The following NCKAP1 variants were observed in gnomAD, a reference collection of about 807,000 sequenced individuals.
NCKAP1 encodes the protein NCK associated protein 1.
NCKAP1 carries 21 observed loss-of-function variants against 151.2 expected under a neutral mutation model. That is an observed-to-expected ratio of 0.14 (90% confidence interval 0.10 to 0.20). The LOEUF (loss-of-function observed/expected upper bound fraction) is 0.20, where lower values mean the gene tolerates loss of function less well. NCKAP1 is among the 10% of genes least tolerant of loss of function. The probability of loss-of-function intolerance (pLI) is 1.00; values close to 1 mark genes in which losing one functional copy is unlikely to be tolerated. For synonymous variants in NCKAP1, 484 were observed against 451.8 expected (o/e 1.07, Z -0.90); for missense variants, 933 against 1,352.1 (o/e 0.69, Z 4.86).
rs533158226 is a variant in NCKAP1, at chr2:182,927,968, T to C, written c.3180+149A>G. 5.3e-4 allele frequency: 305 copies of C among 575,248 alleles called. 2 individuals carry two copies. In the South Asian group the frequency reaches 7.5e-3, roughly 14 times the overall value. The allele number at this position is 575,248 out of a possible 1,614,324, so 35.6% of individuals were successfully genotyped here. Reference sequence around the variant, plus strand: ...AAATAAAAGGAGACTGAAATTCATATACCTGAGAAAATAATTTGAAAACAA... The same window carrying C: ...AAATAAAAGGAGACTGAAATTCATACACCTGAGAAAATAATTTGAAAACAA... On this transcript the variant is annotated intron_variant, in intron 29 of 30. Coordinates refer to ENST00000361354, the MANE Select transcript of NCKAP1 (RefSeq NM_013436.5).
rs1697056722 is a variant in NCKAP1 at position 182,944,357 on chromosome 2, A to G, written c.2602-2194T>C. Among the ~76,000 whole-genome samples the G allele has an allele frequency of 2.6e-5, 4 of 152,174 alleles. 1 individual carries two copies. The South Asian group carries it at 8.3e-4, about 32-fold the overall frequency. ...AAGTGTTAAATTCTTGGCAAAATTC[A>G]TATTTAAATTTCCTACTTCATTTGA... On this transcript the variant is annotated intron_variant, in intron 23 of 30. Transcript: ENST00000361354.
chr2:182,940,430 G>C (rs1696972463), intron 24 of NCKAP1, among the ~76,000 whole-genome samples: 2 of 151,058 alleles, frequency 1.3e-5, no homozygotes, highest in Non-Finnish European at 3.0e-5. Context: ...TTTCCTTTTG[G>C]TATACAGCTC....
At chr2:182,938,332 T>C (rs758115948) in intron 24 of NCKAP1, among the ~76,000 whole-genome samples, 1 of 151,876 alleles carries the variant, frequency 6.6e-6, no homozygotes, top group Non-Finnish European at 1.5e-5. Flanking sequence ...ACATAAAAGA[T>C]GAACCTGCAA....
In NCKAP1 at chr2:182,913,793, T is replaced by G. The variant is rs1335194486; in HGVS notation, c.*11909A>C. On this transcript the variant is annotated 3_prime_UTR_variant, in exon 31 of 31. Transcript: ENST00000361354. ...TAATTCTCATCCTCTCATGCTTCTTTGCTTCTCTGTCTGCATCTGCCTCAT... is the reference window on the plus strand; with the variant it reads ...TAATTCTCATCCTCTCATGCTTCTTGGCTTCTCTGTCTGCATCTGCCTCAT... 6.6e-6 allele frequency: 1 copy of G among 152,284 alleles called. No homozygotes were observed. Among genetic ancestry groups the G allele is most frequent in the East Asian group, 1.9e-4 (1 of 5,200 alleles). The allele number at this position is 152,284 out of a possible 1,614,324, so 9.4% of individuals were successfully genotyped here.
At position 182,909,814 on chromosome 2, in the gene NCKAP1, C is replaced by A. The variant is rs1324240135; in HGVS notation, c.*15888G>T. 1 of 152,186 alleles carries A rather than the reference C, an allele frequency of 6.6e-6. No homozygotes were observed. Among genetic ancestry groups the A allele is most frequent in the Non-Finnish European group, 1.5e-5 (1 of 68,046 alleles). 9.4% of individuals were successfully genotyped at this position (152,186 alleles called of 1,614,324 possible). ...AATAGAACAGGGAGCCCAACCTGAG[C>A]TGAGCTTCTTGGGTACTCCTAAGAA... On this transcript the variant is annotated 3_prime_UTR_variant, in exon 31 of 31. Coordinates refer to ENST00000361354, the MANE Select transcript of NCKAP1 (RefSeq NM_013436.5).
At chr2:182,926,787 T>C (rs770587172) in intron 30 of NCKAP1, 29 bp downstream of exon 30, 3 of 1,436,082 alleles carry the variant, frequency 2.1e-6, no homozygotes, top group African/African-American at 1.4e-5. Context: ...AACTTTTTTA[T>C]TGTTAGTAAA....
chr2:182,932,101 C>T (rs1004739665), intron 26 of NCKAP1, among the ~76,000 whole-genome samples: 6 of 152,094 alleles, frequency 3.9e-5, no homozygotes, highest in African/African-American at 1.4e-4. Flanking sequence ...TTTCATATGA[C>T]CCTGCAATTC....
chr2:182,966,721 A>G (rs1036396090), intron 16 of NCKAP1, among the ~76,000 whole-genome samples: 3 of 152,240 alleles, frequency 2.0e-5, no homozygotes, highest in African/African-American at 7.2e-5. Flanking sequence ...GAAGAGAGGG[A>G]AGAAAAATAA....
At chr2:183,026,027 A>T (rs1176539085) in intron 1 of NCKAP1, among the ~76,000 whole-genome samples, 1 of 152,244 alleles carries the variant, frequency 6.6e-6, no homozygotes, top group African/African-American at 2.4e-5. Context: ...AAGAATGTAA[A>T]CATATAAACA....
In NCKAP1 at chr2:182,910,919, A is replaced by G. The variant is rs956352756; in HGVS notation, c.*14783T>C. Reference sequence around the variant, plus strand: ...ATTCATGCTCTGATGGTCCAACATTATAACTTGGAAATAAAAATAAAATCC... The same window carrying G: ...ATTCATGCTCTGATGGTCCAACATTGTAACTTGGAAATAAAAATAAAATCC... On this transcript the variant is annotated 3_prime_UTR_variant, in exon 31 of 31. Coordinates refer to ENST00000361354, the MANE Select transcript of NCKAP1 (RefSeq NM_013436.5). 6.7e-6 allele frequency: 1 copy of G among 149,762 alleles called. No individual in the cohort carries two copies. Among genetic ancestry groups the G allele is most frequent in the Non-Finnish European group, 1.5e-5 (1 of 67,656 alleles). The allele number at this position is 149,762 out of a possible 1,614,324, so 9.3% of individuals were successfully genotyped here. A position where few individuals can be genotyped will look rare whatever the true frequency, so the allele number is the denominator to read the frequency against.
rs779819587 is a variant in NCKAP1, at chr2:182,914,775, C to A, written c.*10927G>T. 1 of 152,190 alleles carries A rather than the reference C, an allele frequency of 6.6e-6. No individual in the cohort carries two copies. Among genetic ancestry groups the A allele is most frequent in the Admixed American group, 6.5e-5 (1 of 15,272 alleles). The allele number at this position is 152,190 out of a possible 1,614,324, so 9.4% of individuals were successfully genotyped here. The stretch of plus-strand genomic sequence containing the variant: ...GAGGTGGGAAAGGCTGATGGCTAGA[C>A]CGACACTGCAGAGTTCCATTGGTAG... On this transcript the variant is annotated 3_prime_UTR_variant, in exon 31 of 31. Transcript: ENST00000361354.
At chr2:182,928,686 C>T in intron 28 of NCKAP1, 97 bp downstream of exon 28, 1 of 749,674 alleles carries the variant, frequency 1.3e-6, no homozygotes, top group Admixed American at 2.9e-5. Context: ...CCCCATGTTC[C>T]ACTGCCAGTT....
intron 2 of NCKAP1, among the ~76,000 whole-genome samples, chr2:183,015,362 C>T (rs1044055181): frequency 1.3e-5 from 2 of 151,676 alleles, no homozygotes; most frequent in African/African-American, 2.4e-5. Flanking sequence ...AGTGGAAAAG[C>T]GCAGGTAAAA....
chr2:182,937,219 A>C (rs1696896068), intron 24 of NCKAP1, among the ~76,000 whole-genome samples: 1 of 151,998 alleles, frequency 6.6e-6, no homozygotes, highest in Non-Finnish European at 1.5e-5. Flanking sequence ...GTTACCCAGA[A>C]ATTAATCAAG....
In NCKAP1 at chr2:182,921,444, A is replaced by G. The variant is rs1696548731; in HGVS notation, c.*4258T>C. On this transcript the variant is annotated 3_prime_UTR_variant, in exon 31 of 31. Coordinates refer to ENST00000361354, the MANE Select transcript of NCKAP1 (RefSeq NM_013436.5). ...CATATACTACAACTGAGACAAGGCA[A>G]TCACCAAGGTCACATACCTAGTACA... 1 of 152,214 alleles carries G rather than the reference A, an allele frequency of 6.6e-6. No homozygotes were observed. Among genetic ancestry groups the G allele is most frequent in the Admixed American group, 6.5e-5 (1 of 15,282 alleles). 9.4% of individuals were successfully genotyped at this position (152,214 alleles called of 1,614,324 possible).
At chr2:182,971,393 C>CAAAA (rs1190689259) in intron 15 of NCKAP1, among the ~76,000 whole-genome samples, 14 of 68,896 alleles carry the variant, frequency 2.0e-4, no homozygotes, top group Non-Finnish European at 2.6e-4. Flanking sequence ...GACTCCGTCT[C>CAAAA]AAAAAAAAAA....
chr2:182,983,134 G>A (rs1003539861), intron 11 of NCKAP1, 152 bp downstream of exon 11: 4 of 695,082 alleles, frequency 5.8e-6, no homozygotes, highest in Non-Finnish European at 9.7e-6. Context: ...GAGGTACGAT[G>A]TATGAATGTC....
chr2:183,001,843 A>G, intron 6 of NCKAP1, 110 bp downstream of exon 6: 3 of 833,858 alleles, frequency 3.6e-6, no homozygotes, highest in Non-Finnish European at 5.7e-6. Flanking sequence ...ACTATTACTT[A>G]TATCCCATTA....
At chr2:182,984,531 A>G (rs978572163) in intron 10 of NCKAP1, among the ~76,000 whole-genome samples, 1 of 151,954 alleles carries the variant, frequency 6.6e-6, no homozygotes, top group African/African-American at 2.4e-5. Context: ...GTTTCAGAGG[A>G]CTCAAATTAA....
Sources: allele counts gnomAD v4.1 joint callset (sites outside exome capture counted in the v4.1 genomes callset), GRCh38; gene constraint gnomAD v4.1.1; transcripts MANE v1.5; gene names NCBI Gene and HGNC (gene_info 2026-07-23, HGNC 2026-07-21).